The following THSD7B variants were observed in gnomAD, a reference collection of about 807,000 sequenced individuals.
THSD7B encodes the protein thrombospondin type-1 domain-containing protein 7B.
In THSD7B, 138 loss-of-function variants were observed where a neutral mutation model predicts 213.6. The observed-to-expected ratio is 0.65, with a 90% CI of 0.56 to 0.74. The LOEUF (loss-of-function observed/expected upper bound fraction) is 0.74, where lower values mean the gene tolerates loss of function less well. Ranked by LOEUF, THSD7B falls within the 30% of genes least tolerant of loss-of-function variation. The probability of loss-of-function intolerance (pLI) is 0.00; values close to 1 mark genes in which losing one functional copy is unlikely to be tolerated. For synonymous variants in THSD7B, 742 were observed against 687.0 expected (o/e 1.08, Z -1.25); for missense variants, 1,931 against 1,991.5 (o/e 0.97, Z 0.58).
Position 137,170,788 on chromosome 2 carries a change from G to T in THSD7B, c.1573G>T (p.Ala525Ser). 1 of 1,613,700 alleles carries T rather than the reference G, an allele frequency of 6.2e-7. No homozygotes were observed. Among genetic ancestry groups the T allele is most frequent in the Non-Finnish European group, 8.5e-7 (1 of 1,179,726 alleles). ...RHVLMESTGP[A>S]GHCPHLVESV... ...TGTCCTCATGGAATCTACAGGGCCTGCAGGGCATTGCCCTCATTTGGTGGA... is the reference window on the plus strand; with the variant it reads ...TGTCCTCATGGAATCTACAGGGCCTTCAGGGCATTGCCCTCATTTGGTGGA... The change falls in exon 7 of 28, where the codon GCA (alanine) becomes TCA (serine). Residue 525 changes from alanine (A) to serine (S), a missense_variant. By Grantham distance (99) the Ala-to-Ser change is moderately conservative. Coordinates refer to ENST00000409968, the MANE Select transcript of THSD7B (RefSeq NM_001316349.2).
chr2:137,673,345 A>G (rs1349617200), intron 27 of THSD7B, among the ~76,000 whole-genome samples: 1 of 152,196 alleles, frequency 6.6e-6, no homozygotes, highest in Non-Finnish European at 1.5e-5. Flanking sequence ...AAAAGTGGCT[A>G]TGGCTGTCAA....
rs745540466 is a variant in THSD7B at position 137,663,593 on chromosome 2, G to A, written c.4651+18G>A. 1 of 1,581,098 alleles carries A rather than the reference G, an allele frequency of 6.3e-7. No homozygotes were observed. The highest frequency in any genetic ancestry group is 1.8e-5 in the Admixed American group (1 of 55,072). On this transcript the variant is annotated intron_variant, in intron 26 of 27. Coordinates refer to ENST00000409968, the MANE Select transcript of THSD7B (RefSeq NM_001316349.2). ...TGATCCAGGTGAGTTTCAGTTGTGA[G>A]TAAGAAATGAAAATTTTCTCATGGG...
intron 7 of THSD7B, among the ~76,000 whole-genome samples, chr2:137,195,399 T>C (rs1181852826): frequency 6.6e-6 from 1 of 152,076 alleles, no homozygotes; most frequent in Admixed American, 6.6e-5. Context: ...CATTTACTAC[T>C]AAAATAACCC....
At chr2:137,138,706 A>G (rs953981891) in intron 5 of THSD7B, among the ~76,000 whole-genome samples, 1 of 152,178 alleles carries the variant, frequency 6.6e-6, no homozygotes, top group East Asian at 1.9e-4. Context: ...ACATGTTTAG[A>G]TTCATTGTCA....
At chr2:136,902,713 A>G (rs980719873) in intron 2 of THSD7B, among the ~76,000 whole-genome samples, 1 of 152,236 alleles carries the variant, frequency 6.6e-6, no homozygotes, top group Non-Finnish European at 1.5e-5. Flanking sequence ...GAGGGTTCTC[A>G]GTCACAGGAG....
Position 137,056,892 on chromosome 2 carries a change from C to T in THSD7B, c.612C>T (p.Arg204=), listed in dbSNP as rs1201207997. 8 of 1,613,726 alleles carry T rather than the reference C, an allele frequency of 5.0e-6. No homozygotes were observed. The highest frequency in any genetic ancestry group is 6.8e-6 in the Non-Finnish European group (8 of 1,179,870). ...GCGKKLQHRT[R]AVIAPPLFGG... is the part of the protein sequence containing the mutation. ...GGAAGAAATTGCAGCATAGAACTCG[C>T]GCGGTCATAGCTCCCCCTCTCTTTG... is the stretch of plus-strand genomic sequence containing the variant. The change falls in exon 3 of 28, where the codon CGC becomes CGT. Residue 204 remains arginine, a synonymous_variant. Coordinates refer to ENST00000409968, the MANE Select transcript of THSD7B (RefSeq NM_001316349.2).
At chr2:136,980,006 A>G (rs1363549573) in intron 2 of THSD7B, among the ~76,000 whole-genome samples, 1 of 150,504 alleles carries the variant, frequency 6.6e-6, no homozygotes, top group Non-Finnish European at 1.5e-5. Context: ...TTTTTTTTTT[A>G]AACAGACTCA....
chr2:136,972,142 CATG>C (rs1573742002), intron 2 of THSD7B, among the ~76,000 whole-genome samples: 1 of 152,138 alleles, frequency 6.6e-6, no homozygotes, highest in East Asian at 1.9e-4. Context: ...AATGGACTAC[CATG>C]ATGACAGAGT....
intron 7 of THSD7B, among the ~76,000 whole-genome samples, chr2:137,210,659 A>C (rs1184834266): frequency 6.6e-6 from 1 of 152,020 alleles, no homozygotes. Flanking sequence ...ATGTATAGTA[A>C]TACATTTAAA....
At chr2:137,581,439 T>C (rs1027062625) in intron 17 of THSD7B, among the ~76,000 whole-genome samples, 2 of 152,074 alleles carry the variant, frequency 1.3e-5, no homozygotes, top group Admixed American at 1.3e-4. Context: ...AATGCAAAAA[T>C]TAGCCCAGCG....
intron 14 of THSD7B, among the ~76,000 whole-genome samples, chr2:137,428,414 A>G (rs1462286023): frequency 2.0e-5 from 3 of 152,332 alleles, no homozygotes; most frequent in South Asian, 4.1e-4. Flanking sequence ...TAAACATAGA[A>G]TTACCATATG....
At chr2:136,777,125 GATCTGAATAACACA>G (rs1249493245) in intron 1 of THSD7B, among the ~76,000 whole-genome samples, 1 of 152,138 alleles carries the variant, frequency 6.6e-6, no homozygotes, top group African/African-American at 2.4e-5. Flanking sequence ...AGGTGAGAGA[GATCTGAATAACACA>G]ATCAGATTAT....
chr2:136,846,003 T>C (rs1469848364), intron 1 of THSD7B, among the ~76,000 whole-genome samples: 1 of 152,102 alleles, frequency 6.6e-6, no homozygotes, highest in Non-Finnish European at 1.5e-5. Context: ...CAGGGGGTAG[T>C]CGGTCATCTT....
Position 137,237,394 on chromosome 2 carries a change from TAA to T in THSD7B, c.2150+4262_2150+4263del, listed in dbSNP as rs1479047930. Among the ~76,000 whole-genome samples, 3 of 152,194 alleles carry T rather than the reference TAA, an allele frequency of 2.0e-5. No individual in the cohort carries two copies. The South Asian group carries it at 6.2e-4, about 32-fold the overall frequency. On this transcript the variant is annotated intron_variant, in intron 9 of 27. Transcript: ENST00000409968. ...TTTGTTGCGGAAATAGCTGGAGAAA[TAA>T]GTCTAATATTCCCCAGGGATTTATT... is the stretch of plus-strand genomic sequence containing the variant.
intron 15 of THSD7B, among the ~76,000 whole-genome samples, chr2:137,555,129 C>A (rs1309960682): frequency 4.6e-5 from 7 of 152,168 alleles, no homozygotes; most frequent in Non-Finnish European, 1.0e-4. Context: ...AGGGCATAGC[C>A]CAACAAAAGG....
Position 137,642,539 on chromosome 2 carries a change from G to A in THSD7B, c.3851G>A (p.Arg1284Gln), listed in dbSNP as rs745747984. Residue 1284 changes from arginine (R) to glutamine (Q), a missense_variant, in exon 21 of 28, where the codon CGG (arginine) becomes CAG (glutamine). Transcript: ENST00000409968. The stretch of plus-strand genomic sequence containing the variant: ...ATTATGCCAACCCAAGGAGAAGGAC[G>A]GCCATGCCCCACAGAGCTTACCCAG... ...FIIMPTQGEGRPCPTELTQEK... is the reference protein window; with the variant it reads ...FIIMPTQGEGQPCPTELTQEK... The A allele has an allele frequency of 2.3e-5, 37 of 1,613,808 alleles. No individual in the cohort carries two copies. The highest frequency in any genetic ancestry group is 2.7e-5 in the Non-Finnish European group (32 of 1,179,836).
At chr2:136,938,692 A>G (rs1684771597) in intron 2 of THSD7B, among the ~76,000 whole-genome samples, 1 of 152,188 alleles carries the variant, frequency 6.6e-6, no homozygotes, top group Non-Finnish European at 1.5e-5. Context: ...TTTTTGTACC[A>G]TAGTACATCA....
intron 1 of THSD7B, among the ~76,000 whole-genome samples, chr2:136,860,430 A>C (rs1287547971): frequency 6.6e-6 from 1 of 152,186 alleles, no homozygotes; most frequent in Non-Finnish European, 1.5e-5. Context: ...CCTTGGATGA[A>C]TAATAAGCAT....
intron 20 of THSD7B, among the ~76,000 whole-genome samples, chr2:137,623,548 T>G (rs1682562293): frequency 6.6e-6 from 1 of 152,206 alleles, no homozygotes; most frequent in Non-Finnish European, 1.5e-5. Context: ...TGTCCCTGTT[T>G]GCAGATGACA....
Sources: allele counts gnomAD v4.1 joint callset (sites outside exome capture counted in the v4.1 genomes callset), GRCh38; gene constraint gnomAD v4.1.1; transcripts MANE v1.5; gene names NCBI Gene and HGNC (gene_info 2026-07-23, HGNC 2026-07-21).